The following RANGAP1 variants were observed in gnomAD, a reference collection of about 807,000 sequenced individuals.
RANGAP1 encodes the protein Ran GTPase activating protein 1, also known as ran GTPase-activating protein 1.
In RANGAP1, 38 loss-of-function variants were observed where a neutral mutation model predicts 63.5. The ratio of observed to expected loss-of-function variants is 0.60; its 90% CI spans 0.46 to 0.78. The LOEUF is 0.78. Among genes scored for constraint, RANGAP1 ranks in the 30% least tolerant of loss-of-function variants. The probability of loss-of-function intolerance (pLI) is 0.00; values close to 1 mark genes in which losing one functional copy is unlikely to be tolerated. For synonymous variants in RANGAP1, 329 were observed against 310.5 expected, an observed-to-expected ratio of 1.06 and a Z score of -0.63; for missense variants, 630 against 740.3, an observed-to-expected ratio of 0.85 and a Z score of 1.73.
chr22:41,302,086 C>G, the RANGAP1 span, among the ~76,000 whole-genome samples: 1 of 152,198 alleles, frequency 6.6e-6, no homozygotes, highest in East Asian at 1.9e-4. The surrounding 1 kb of genome is among the most constrained non-coding windows in gnomAD (Gnocchi z 5.7). Flanking sequence ...CTGCAGCCCC[C>G]AGGAGGTGTC....
chr22:41,273,664 G>C (rs1302081287), intron 3 of RANGAP1, among the ~76,000 whole-genome samples: 1 of 150,452 alleles, frequency 6.6e-6, no homozygotes, highest in South Asian at 2.1e-4. Flanking sequence ...CTACTTGGCA[G>C]GCTGAGGCAG....
chr22:41,274,443 T>A (rs562011940), intron 3 of RANGAP1, among the ~76,000 whole-genome samples, 157 bp downstream of exon 3: 2 of 152,318 alleles, frequency 1.3e-5, no homozygotes, highest in Non-Finnish European at 2.9e-5. Context: ...CCCTAGCCAA[T>A]GCTGTGTGCC....
At chr22:41,247,513 G>A (rs570473957) in intron 15 of RANGAP1, among the ~76,000 whole-genome samples, 2 of 152,146 alleles carry the variant, frequency 1.3e-5, no homozygotes, top group South Asian at 2.1e-4. Context: ...CACCACACCC[G>A]GCTAACTTTG....
the RANGAP1 span, among the ~76,000 whole-genome samples, chr22:41,294,671 C>T: frequency 7.1e-5 from 10 of 140,668 alleles, no homozygotes; most frequent in African/African-American, 2.7e-4. Flanking sequence ...GGCCGCCCAT[C>T]GTCTGAGATG....
chr22:41,270,147 T>C (rs1441056733), intron 3 of RANGAP1, among the ~76,000 whole-genome samples: 2 of 151,130 alleles, frequency 1.3e-5, no homozygotes, highest in Non-Finnish European at 2.9e-5. Flanking sequence ...TTTTATCTAT[T>C]TATTTATTTT....
At chr22:41,287,213 G>A (rs1171923157), upstream of RANGAP1, among the ~76,000 whole-genome samples, 1 of 152,090 alleles carries the variant, frequency 6.6e-6, no homozygotes, top group Non-Finnish European at 1.5e-5. Flanking sequence ...CAACCTTTAT[G>A]GTTAAAAGAA....
chr22:41,264,961 C>T, intron 4 of RANGAP1, 118 bp from the exon 5 acceptor site: 1 of 948,028 alleles, frequency 1.1e-6, no homozygotes, highest in Non-Finnish European at 1.6e-6. Flanking sequence ...GCAGAACCAA[C>T]ACAGACACAA....
At chr22:41,298,641 G>A in the RANGAP1 span, among the ~76,000 whole-genome samples, 4 of 151,734 alleles carry the variant, frequency 2.6e-5, no homozygotes, top group Non-Finnish European at 4.4e-5. Context: ...CTGGGATTAC[G>A]GGCATTAGCC....
chr22:41,245,697 A>T lies in RANGAP1; in HGVS notation c.*906T>A, dbSNP rs2032984007. 1 of 152,448 alleles carries T rather than the reference A, an allele frequency of 6.6e-6. No individual in the cohort carries two copies. Among genetic ancestry groups the T allele is most frequent in the South Asian group, 2.1e-4 (1 of 4,832 alleles). The allele number at this position is 152,448 out of a possible 1,614,324, so 9.4% of individuals were successfully genotyped here. A position where few individuals can be genotyped will look rare whatever the true frequency, so the allele number is the denominator to read the frequency against. ...ACAAAGGGGAAAGCATGGGGCAGTC[A>T]CGGGTGCTCAGGGAGGTCATACAGC... is the stretch of plus-strand genomic sequence containing the variant. On this transcript the variant is annotated 3_prime_UTR_variant, in exon 16 of 16. Transcript: ENST00000356244.
Position 41,251,030 on chromosome 22 carries a change from C to T in RANGAP1, c.1460G>A (p.Arg487Lys), listed in dbSNP as rs139565299. 11 of 1,614,076 alleles carry T rather than the reference C, an allele frequency of 6.8e-6. No homozygotes were observed. The highest frequency in any genetic ancestry group is 1.7e-5 in the Admixed American group (1 of 60,006). Residue 487 changes from arginine to lysine, a missense_variant, in exon 13 of 16, where the codon AGG becomes AAG. By Grantham distance (26) the Arg-to-Lys change is conservative. This residue lies in a region of RANGAP1 where 428 missense variants were observed against 465.5 expected (regional missense o/e 0.92). Transcript: ENST00000356244. ...SSVFKDEATVRMAVQDAVDAL... is the reference protein window; with the variant it reads ...SSVFKDEATVKMAVQDAVDAL... ...ACCTACTGCATCCTGCACTGCCATC[C>T]TCACAGTAGCTTCGTCCTTGAACAC... is the stretch of plus-strand genomic sequence containing the variant.
intron 6 of RANGAP1, 47 bp from the exon 7 acceptor site, chr22:41,258,153 A>T (rs997226417): frequency 6.4e-7 from 1 of 1,550,414 alleles, no homozygotes; most frequent in Non-Finnish European, 8.8e-7. Flanking sequence ...GTGCCAGGTG[A>T]CATCCAGCAG....
At position 41,249,747 on chromosome 22, in the gene RANGAP1, C is replaced by G; in HGVS notation, c.1554G>C (p.Val518=). Residue 518 remains valine, a synonymous_variant, in exon 14 of 16, where the codon GTG becomes GTC. Coordinates refer to ENST00000356244, the MANE Select transcript of RANGAP1 (RefSeq NM_002883.4). Reference sequence around the variant, plus strand: ...GCCTCACCTTGAGCAGACCCATGTGCACGAGCAGCCTGGTGAGGAAGGTGT... The same window carrying G: ...GCCTCACCTTGAGCAGACCCATGTGGACGAGCAGCCTGGTGAGGAAGGTGT... The part of the protein sequence containing the change: ...NSNTFLTRLL[V]HMGLLKSEDK... The G allele has an allele frequency of 6.2e-7, 1 of 1,613,822 alleles. No homozygotes were observed. Among genetic ancestry groups the G allele is most frequent in the South Asian group, 1.1e-5 (1 of 91,080 alleles).
At chr22:41,277,069 G>T (rs754484968) in intron 2 of RANGAP1, among the ~76,000 whole-genome samples, 3 of 148,034 alleles carry the variant, frequency 2.0e-5, no homozygotes, top group Non-Finnish European at 4.4e-5. Context: ...ATGAAAGTGA[G>T]GATTTTTTTT....
chr22:41,269,933 A>C (rs1012008792), intron 3 of RANGAP1, among the ~76,000 whole-genome samples: 1 of 152,148 alleles, frequency 6.6e-6, no homozygotes, highest in African/African-American at 2.4e-5. Context: ...TCCCAGGTTC[A>C]AGTGAGTCTC....
chr22:41,288,322 C>T (rs1278709393), upstream of RANGAP1, among the ~76,000 whole-genome samples: 1 of 152,190 alleles, frequency 6.6e-6, no homozygotes, highest in African/African-American at 2.4e-5. Flanking sequence ...ACAGAGTTAA[C>T]ACTGTTCTTG....
the RANGAP1 span, among the ~76,000 whole-genome samples, chr22:41,299,563 C>T: frequency 2.0e-5 from 3 of 152,198 alleles, no homozygotes; most frequent in African/African-American, 7.2e-5. Context: ...GCCACCGTGC[C>T]GAGCTACAGG....
intron 2 of RANGAP1, chr22:41,277,581 G>C (rs770935600): frequency 9.9e-7 from 1 of 1,009,444 alleles, no homozygotes; most frequent in Non-Finnish European, 1.3e-6. Context: ...TTGACCTTCT[G>C]GTCAAGAAGG....
At chr22:41,293,760 C>CA in the RANGAP1 span, among the ~76,000 whole-genome samples, 1,350 of 54,332 alleles carry the variant, frequency 0.025, 20 homozygotes, top group East Asian at 0.065. Flanking sequence ...GACTCTGTCT[C>CA]AAAAAAAAAA....
chr22:41,296,960 T>C, the RANGAP1 span, among the ~76,000 whole-genome samples: 2 of 152,002 alleles, frequency 1.3e-5, no homozygotes, highest in Non-Finnish European at 2.9e-5. Context: ...CCTATAATCC[T>C]AGCACTTTGG....
Sources: gnomAD v4.1 joint callset for allele counts (sites outside exome capture counted in the v4.1 genomes callset) on GRCh38, gnomAD v4.1.1 for gene constraint, gnomAD v4.1.1 regional missense constraint, Gnocchi (gnomAD v3.1) non-coding constraint, MANE v1.5 for transcripts, NCBI Gene and HGNC (gene_info 2026-07-23, HGNC 2026-07-21) for gene names.